DPF3: variants seen among roughly 807,000 people sequenced by gnomAD.
The protein encoded by DPF3 is zinc finger protein DPF3.
In DPF3, 18 loss-of-function variants were observed where a neutral mutation model predicts 56.8. The observed-to-expected ratio is 0.32, with a 90% CI of 0.22 to 0.47. The LOEUF is 0.47. Ranked by LOEUF, DPF3 falls within the 20% of genes least tolerant of loss-of-function variation. The pLI is 1.00. For missense variants in DPF3, 403 were observed against 488.8 expected (o/e 0.82, Z 1.65); for synonymous variants, 188 against 180.2 (o/e 1.04, Z -0.35).
chr14:72,690,647 A>G (rs1887641441), intron 7 of DPF3, among the ~76,000 whole-genome samples: 1 of 151,928 alleles, frequency 6.6e-6, no homozygotes, highest in South Asian at 2.1e-4. Context: ...ACACACACGC[A>G]TAGACACACA....
intron 3 of DPF3, among the ~76,000 whole-genome samples, chr14:72,742,028 C>T (rs927237790): frequency 2.0e-5 from 3 of 152,230 alleles, no homozygotes; most frequent in Non-Finnish European, 2.9e-5. Context: ...ACACAGACTT[C>T]GTCCCCCAGT....
At chr14:72,832,170 T>C (rs1884088082) in intron 1 of DPF3, among the ~76,000 whole-genome samples, 1 of 152,094 alleles carries the variant, frequency 6.6e-6, no homozygotes, top group African/African-American at 2.4e-5. Flanking sequence ...TGAGCTATGA[T>C]TGCACTACTG....
intron 2 of DPF3, among the ~76,000 whole-genome samples, chr14:72,760,489 C>CT (rs769583818): frequency 2.8e-4 from 43 of 152,130 alleles, no homozygotes; most frequent in East Asian, 2.1e-3. Context: ...TTCGAAGTCC[C>CT]TTTTGCCATG....
chr14:72,625,203 C>T (rs1398235524), intron 9 of DPF3, among the ~76,000 whole-genome samples: 1 of 152,004 alleles, frequency 6.6e-6, no homozygotes, highest in Admixed American at 6.6e-5. Flanking sequence ...TGATTATTTC[C>T]CCTTTCCCTC....
chr14:72,675,412 A>G (rs1165918778), intron 7 of DPF3: 1 of 152,232 alleles, frequency 6.6e-6, no homozygotes, highest in Non-Finnish European at 1.5e-5. Context: ...TGTTTATGGG[A>G]TCAGCCCTAA....
Position 72,707,159 on chromosome 14 carries a change from T to C in DPF3, c.604+7264A>G, listed in dbSNP as rs558223778. ...TGTCCCTACAAAGGACATGAACTCA[T>C]CATTTTTTATGGCTGCATAGTATTC... On this transcript the variant is annotated intron_variant, in intron 6 of 10. Transcript: ENST00000556509. Among the ~76,000 whole-genome samples the C allele has an allele frequency of 1.8e-3, 275 of 152,294 alleles. 1 individual carries two copies. Among genetic ancestry groups the C allele is most frequent in the African/African-American group, 6.4e-3 (264 of 41,552 alleles).
At chr14:72,694,738 G>A (rs1887837078) in intron 6 of DPF3, among the ~76,000 whole-genome samples, 2 of 152,176 alleles carry the variant, frequency 1.3e-5, no homozygotes, top group African/African-American at 4.8e-5. Context: ...TGTTAATGAA[G>A]GTGGATTTAG....
intron 1 of DPF3, among the ~76,000 whole-genome samples, chr14:72,797,200 G>C (rs1346567012): frequency 6.6e-6 from 1 of 152,170 alleles, no homozygotes; most frequent in East Asian, 1.9e-4. Flanking sequence ...GCCTGCTGGA[G>C]AATGAGCAGA....
At chr14:72,800,605 AATGCATGCATGCACAGATGG>A (rs1892844773) in intron 1 of DPF3, among the ~76,000 whole-genome samples, 1 of 148,260 alleles carries the variant, frequency 6.7e-6, no homozygotes, top group Admixed American at 6.7e-5. Flanking sequence ...TGCATGAATG[AATGCATGCATGCACAGATGG>A]ATGCATGGAT....
intron 1 of DPF3, among the ~76,000 whole-genome samples, chr14:72,808,305 C>T (rs1882881898): frequency 6.6e-6 from 1 of 152,156 alleles, no homozygotes; most frequent in African/African-American, 2.4e-5. Flanking sequence ...CTACAGCATC[C>T]AAACATCCTG....
chr14:72,713,890 A>G (rs1172857259), intron 6 of DPF3, among the ~76,000 whole-genome samples: 1 of 152,224 alleles, frequency 6.6e-6, no homozygotes, highest in Non-Finnish European at 1.5e-5. Flanking sequence ...AGCAAGCAAG[A>G]AAGGCTGGAG....
chr14:72,658,174 G>C (rs930676420), intron 8 of DPF3, among the ~76,000 whole-genome samples: 52 of 152,132 alleles, frequency 3.4e-4, no homozygotes, highest in Non-Finnish European at 1.0e-4. Context: ...CATAACTCAA[G>C]GGATAAATGC....
chr14:72,691,284 C>T (rs182358205), intron 7 of DPF3, among the ~76,000 whole-genome samples: 10 of 152,302 alleles, frequency 6.6e-5, no homozygotes, highest in Admixed American at 6.5e-5. Context: ...CTCCCCACTC[C>T]CAAATTCCTA....
intron 7 of DPF3, among the ~76,000 whole-genome samples, chr14:72,685,846 A>T (rs993403504): frequency 6.6e-5 from 10 of 152,194 alleles, no homozygotes; most frequent in African/African-American, 2.4e-4. Flanking sequence ...AATAAAAGAG[A>T]TTCAGAGACA....
intron 1 of DPF3, among the ~76,000 whole-genome samples, chr14:72,776,239 A>C (rs981184912): frequency 6.6e-6 from 1 of 152,276 alleles, no homozygotes; most frequent in Non-Finnish European, 1.5e-5. Context: ...GGCAGGGTAG[A>C]ATGATGTTCT....
chr14:72,702,990 T>C (rs985630126), intron 6 of DPF3, among the ~76,000 whole-genome samples: 1 of 152,204 alleles, frequency 6.6e-6, no homozygotes, highest in African/African-American at 2.4e-5. Flanking sequence ...GACAAATTCA[T>C]ACCTTTCTGG....
intron 6 of DPF3, 128 bp from the exon 7 acceptor site, chr14:72,693,341 C>A: frequency 9.2e-7 from 1 of 1,082,364 alleles, no homozygotes; most frequent in Non-Finnish European, 1.3e-6. Flanking sequence ...AAAACTGTCT[C>A]CCATCCCAAC....
intron 1 of DPF3, among the ~76,000 whole-genome samples, chr14:72,847,700 C>T (rs1020262660): frequency 3.9e-5 from 6 of 151,986 alleles, no homozygotes; most frequent in African/African-American, 1.2e-4. Flanking sequence ...TTAGTAGAGA[C>T]GGGCTTTCAC....
intron 9 of DPF3, among the ~76,000 whole-genome samples, chr14:72,623,764 G>A (rs1267338960): frequency 6.6e-6 from 1 of 152,158 alleles, no homozygotes; most frequent in Non-Finnish European, 1.5e-5. Context: ...TCTGTCCACA[G>A]AAAGTGCTCC....
Sources: gnomAD v4.1 joint callset for allele counts (sites outside exome capture counted in the v4.1 genomes callset) on GRCh38, gnomAD v4.1.1 for gene constraint, MANE v1.5 for transcripts, NCBI Gene and HGNC (gene_info 2026-07-23, HGNC 2026-07-21) for gene names.